Variants in GRAMD4 observed in about 807,000 individuals in gnomAD.
The protein encoded by GRAMD4 is GRAM domain containing 4.
In GRAMD4, 25 loss-of-function variants were observed where a neutral mutation model predicts 83.9. The ratio of observed to expected loss-of-function variants is 0.30; its 90% confidence interval spans 0.22 to 0.42. The LOEUF is 0.42. GRAMD4 is among the 10% of genes least tolerant of loss of function. GRAMD4 has a pLI of 1.00. For synonymous variants in GRAMD4, 336 were observed against 320.9 expected (o/e 1.05, Z -0.50); for missense variants, 593 against 788.7 (o/e 0.75, Z 2.97).
At position 46,659,706 on chromosome 22, in the gene GRAMD4, TG is replaced by T. The variant is rs1027608210; in HGVS notation, c.404+1405del. Among the ~76,000 whole-genome samples the T allele has an allele frequency of 4.8e-5, 7 of 146,130 alleles. No homozygotes were observed. The highest frequency in any genetic ancestry group is 1.8e-4 in the African/African-American group (7 of 39,544). On this transcript the variant is annotated intron_variant, in intron 4 of 18. Transcript: ENST00000406902. This position sits in a 1 kb window ranked among gnomAD's most constrained non-coding sequence, Gnocchi z 4.1. ...GTCAGCATGACCTTGTGGAGTGCCC[TG>T]GGGGGCTCATGTGGGGGCTCATGTG...
At chr22:46,673,955 C>G in intron 15 of GRAMD4, 141 bp downstream of exon 15, 1 of 920,074 alleles carries the variant, frequency 1.1e-6, no homozygotes, top group South Asian at 1.5e-5. Context: ...TCCCACTGCC[C>G]CAGGAGGAGT....
chr22:46,586,493 G>C (rs546609345), intron 1 of GRAMD4, among the ~76,000 whole-genome samples: 22 of 152,210 alleles, frequency 1.4e-4, no homozygotes, highest in South Asian at 6.2e-4. Context: ...GCCCCAGACT[G>C]GGGGAGCCAG....
chr22:46,664,132 C>T lies in GRAMD4; in HGVS notation c.717+15C>T, dbSNP rs1181314089. ...TTGCCTTCACCGTGAGTGGGTCCTC[C>T]AGGGGCCGAGCAGGGTGGGTGGGAT... On this transcript the variant is annotated intron_variant, in intron 8 of 18. Transcript: ENST00000406902. The T allele has an allele frequency of 6.3e-7, 1 of 1,578,384 alleles. No individual in the cohort carries two copies.
At chr22:46,644,929 T>C (rs1457204544) in intron 3 of GRAMD4, among the ~76,000 whole-genome samples, 1 of 123,952 alleles carries the variant, frequency 8.1e-6, no homozygotes, top group East Asian at 2.2e-4. Context: ...TTTTTTTTTT[T>C]TGTGGAGACG....
chr22:46,670,686 A>G (rs530271827), intron 13 of GRAMD4, among the ~76,000 whole-genome samples: 194 of 151,560 alleles, frequency 1.3e-3, no homozygotes, highest in Non-Finnish European at 2.5e-3. Context: ...GCTCACTGCA[A>G]CCTCCATCCC....
upstream of GRAMD4, among the ~76,000 whole-genome samples, chr22:46,619,819 G>A (rs759802268): frequency 2.6e-5 from 4 of 152,210 alleles, no homozygotes; most frequent in African/African-American, 4.8e-5. Context: ...GGGCCAGGTG[G>A]GGGCTGGGGC....
At position 46,679,628 on chromosome 22, in the gene GRAMD4, A is replaced by C; in HGVS notation, c.*2377A>C. ...TTTGGATCTGTAAATAATCATTGCC[A>C]GTGTGACTTTTGTTCAACAAAAGGA... On this transcript the variant is annotated 3_prime_UTR_variant, in exon 19 of 19. Coordinates refer to ENST00000406902, the MANE Select transcript of GRAMD4 (RefSeq NM_015124.5). The C allele has an allele frequency of 1.0e-6, 1 of 983,050 alleles. No individual in the cohort carries two copies. Among genetic ancestry groups the C allele is most frequent in the Non-Finnish European group, 1.2e-6 (1 of 827,538 alleles). 60.9% of individuals were successfully genotyped at this position (983,050 alleles called of 1,614,324 possible). A position where few individuals can be genotyped will look rare whatever the true frequency, so the allele number is the denominator to read the frequency against.
At chr22:46,645,866 T>C (rs1280205997) in intron 3 of GRAMD4, among the ~76,000 whole-genome samples, 1 of 152,352 alleles carries the variant, frequency 6.6e-6, no homozygotes, top group East Asian at 1.9e-4. Flanking sequence ...TTGCCGTGCA[T>C]GCGTGTGCAT....
At chr22:46,586,745 G>T (rs904470437) in intron 1 of GRAMD4, among the ~76,000 whole-genome samples, 1 of 152,210 alleles carries the variant, frequency 6.6e-6, no homozygotes, top group Non-Finnish European at 1.5e-5. Flanking sequence ...CCTGTCTGCT[G>T]GGGAAAGCGG....
chr22:46,632,813 T>C (rs2081795399), intron 2 of GRAMD4, among the ~76,000 whole-genome samples: 1 of 151,952 alleles, frequency 6.6e-6, no homozygotes, highest in Non-Finnish European at 1.5e-5. Context: ...GGAGACAGGG[T>C]TGGCACATGT....
rs975577379 is a variant in GRAMD4 at position 46,679,193 on chromosome 22, C to G, written c.*1942C>G. 1 of 985,418 alleles carries G rather than the reference C, an allele frequency of 1.0e-6. No homozygotes were observed. The highest frequency in any genetic ancestry group is 1.7e-5 in the African/African-American group (1 of 57,260). 61.0% of individuals were successfully genotyped at this position (985,418 alleles called of 1,614,324 possible). A position where few individuals can be genotyped will look rare whatever the true frequency, so the allele number is the denominator to read the frequency against. On this transcript the variant is annotated 3_prime_UTR_variant, in exon 19 of 19. Transcript: ENST00000406902. ...AAGGATGGGTCCGGGGCCTCGGGGC[C>G]AATGAGCGCCTCTTCCTAGGTGCTG...
chr22:46,673,667 C>G lies in GRAMD4; in HGVS notation c.1240-3C>G. ...TGACCTCGACGCTGTTTGCCGTTGG[C>G]AGCTGCAGACGACCTCGTCACGGAG... On this transcript the variant is annotated splice_polypyrimidine_tract_variant and splice_region_variant and intron_variant, in intron 14 of 18. Transcript: ENST00000406902. 6.2e-7 allele frequency: 1 copy of G among 1,609,888 alleles called. No homozygotes were observed. Among genetic ancestry groups the G allele is most frequent in the Non-Finnish European group, 8.5e-7 (1 of 1,177,588 alleles).
Position 46,637,791 on chromosome 22 carries a change from C to T in GRAMD4, c.163-49C>T, listed in dbSNP as rs1351714111. ...TCTGGGGGAACTGAGTGGTGCAGAC[C>T]CAGGGTGCCACAGGTGGCCCCTTTG... On this transcript the variant is annotated intron_variant, in intron 2 of 18. Coordinates refer to ENST00000406902, the MANE Select transcript of GRAMD4 (RefSeq NM_015124.5). 6 of 1,607,954 alleles carry T rather than the reference C, an allele frequency of 3.7e-6. No individual in the cohort carries two copies. The South Asian group carries it at 6.6e-5, about 18-fold the overall frequency.
Position 46,659,412 on chromosome 22 carries a change from C to T in GRAMD4, c.404+1105C>T, listed in dbSNP as rs982742381. Reference sequence around the variant, plus strand: ...GGTCTCCCACCTCAGCCTCCCACCACCATTGGCCACACCTTTGTCTGTGGC... The same window carrying T: ...GGTCTCCCACCTCAGCCTCCCACCATCATTGGCCACACCTTTGTCTGTGGC... On this transcript the variant is annotated intron_variant, in intron 4 of 18. Transcript: ENST00000406902. The surrounding 1 kb of genome is among the most constrained non-coding windows in gnomAD (Gnocchi z 4.1). Among the ~76,000 whole-genome samples, 5 of 152,244 alleles carry T rather than the reference C, an allele frequency of 3.3e-5. No homozygotes were observed. Among genetic ancestry groups the T allele is most frequent in the African/African-American group, 1.2e-4 (5 of 41,464 alleles).
rs774942015 is a variant in GRAMD4 at position 46,674,645 on chromosome 22, T to G, written c.1385-12T>G. On this transcript the variant is annotated splice_polypyrimidine_tract_variant and intron_variant, in intron 15 of 18. Transcript: ENST00000406902. Reference sequence around the variant, plus strand: ...CAGTGGAAAGTGTGACAGGCGGGCCTTCTCCCATTAGTGTGCGAGAATGGC... The same window carrying G: ...CAGTGGAAAGTGTGACAGGCGGGCCGTCTCCCATTAGTGTGCGAGAATGGC... The G allele has an allele frequency of 6.3e-7, 1 of 1,586,384 alleles. No individual in the cohort carries two copies. The highest frequency in any genetic ancestry group is 8.7e-7 in the Non-Finnish European group (1 of 1,155,336).
intron 1 of GRAMD4, among the ~76,000 whole-genome samples, chr22:46,588,562 G>A (rs1442557651): frequency 6.6e-6 from 1 of 152,194 alleles, no homozygotes; most frequent in Non-Finnish European, 1.5e-5. Context: ...GCCCCACCCT[G>A]TCCCTCGCAG....
chr22:46,674,642 G>T lies in GRAMD4; in HGVS notation c.1385-15G>T. ...TTCCAGTGGAAAGTGTGACAGGCGGGCCTTCTCCCATTAGTGTGCGAGAAT... is the reference window on the plus strand; with the variant it reads ...TTCCAGTGGAAAGTGTGACAGGCGGTCCTTCTCCCATTAGTGTGCGAGAAT... On this transcript the variant is annotated splice_polypyrimidine_tract_variant and intron_variant, in intron 15 of 18. Coordinates refer to ENST00000406902, the MANE Select transcript of GRAMD4 (RefSeq NM_015124.5). 1 of 1,562,778 alleles carries T rather than the reference G, an allele frequency of 6.4e-7. No homozygotes were observed. The highest frequency in any genetic ancestry group is 2.2e-5 in the East Asian group (1 of 44,630).
At chr22:46,618,570 G>A (rs2081533474), upstream of GRAMD4, among the ~76,000 whole-genome samples, 1 of 152,170 alleles carries the variant, frequency 6.6e-6, no homozygotes, top group South Asian at 2.1e-4. The surrounding 1 kb of genome is among the most constrained non-coding windows in gnomAD (Gnocchi z 5.8). Flanking sequence ...GTTGACCCGG[G>A]TGCGTGGAAG....
chr22:46,587,979 G>A (rs1481853131), intron 1 of GRAMD4: 3 of 983,136 alleles, frequency 3.1e-6, no homozygotes, highest in Admixed American at 6.1e-5. Flanking sequence ...GGGGGCCAGG[G>A]CCTGGTCAGG....
Sources: allele counts gnomAD v4.1 joint callset (sites outside exome capture counted in the v4.1 genomes callset), GRCh38; gene constraint gnomAD v4.1.1; non-coding constraint Gnocchi (gnomAD v3.1); transcripts MANE v1.5; gene names NCBI Gene and HGNC (gene_info 2026-07-23, HGNC 2026-07-21).